MGST1: variants seen among roughly 807,000 people sequenced by gnomAD.
MGST1 encodes microsomal glutathione S-transferase 1, also known as glutathione S-transferase 12.
In MGST1, 5 loss-of-function variants were observed where a neutral mutation model predicts 8.9. That is an observed-to-expected ratio of 0.56 (90% CI 0.29 to 1.19). The LOEUF (loss-of-function observed/expected upper bound fraction) is 1.19. Among genes scored for constraint, MGST1 ranks in the 50% most tolerant of loss-of-function variants. The pLI is 0.08. For synonymous variants in MGST1, 54 were observed against 67.8 expected (o/e 0.80, Z 1.00); for missense variants, 182 against 187.4 (o/e 0.97, Z 0.17).
chr12:16,528,064 G>C (rs1396138591), intron 4 of MGST1, among the ~76,000 whole-genome samples: 1 of 152,024 alleles, frequency 6.6e-6, no homozygotes, highest in Non-Finnish European at 1.5e-5. Context: ...TGTGAAAAAG[G>C]GTTGACAGAG....
At chr12:16,375,764 C>T (rs1302429368) in intron 3 of MGST1, among the ~76,000 whole-genome samples, 2 of 151,608 alleles carry the variant, frequency 1.3e-5, no homozygotes, top group Non-Finnish European at 2.9e-5. Context: ...TAAAACAAAA[C>T]AAAGATAATT....
chr12:16,357,551 C>T, intron 2 of MGST1, 54 bp from the exon 3 acceptor site: 4 of 1,341,166 alleles, frequency 3.0e-6, no homozygotes, highest in Non-Finnish European at 4.2e-6. Context: ...CAGGTGTGAG[C>T]TATTGCTCCT....
chr12:16,442,959 TG>T (rs1219710832), downstream of MGST1, among the ~76,000 whole-genome samples: 1 of 151,864 alleles, frequency 6.6e-6, no homozygotes, highest in Non-Finnish European at 1.5e-5. This position sits in a 1 kb window ranked among gnomAD's most constrained non-coding sequence, Gnocchi z 4.5. Flanking sequence ...CTGAGAAAAG[TG>T]TGTTAAAACG....
Position 16,497,925 on chromosome 12 carries a change from A to T in MGST1, n.483-91603A>T, listed in dbSNP as rs1941480517. Among the ~76,000 whole-genome samples the T allele has an allele frequency of 6.6e-6, 1 of 152,176 alleles. No individual in the cohort carries two copies. Among genetic ancestry groups the T allele is most frequent in the Admixed American group, 6.6e-5 (1 of 15,266 alleles). ...TTCTAGTCTAGATGATAGTCTTTGTAATCACATTTTATGGAATATCTCCAA... is the reference window on the plus strand; with the variant it reads ...TTCTAGTCTAGATGATAGTCTTTGTTATCACATTTTATGGAATATCTCCAA... On this transcript the variant is annotated intron_variant and non_coding_transcript_variant, in intron 4 of 4. Coordinates refer to the MGST1 transcript ENST00000538857. The surrounding 1 kb of genome is among the most constrained non-coding windows in gnomAD (Gnocchi z 4.4).
intron 4 of MGST1, among the ~76,000 whole-genome samples, chr12:16,510,883 CATG>C (rs1335028119): frequency 1.3e-5 from 2 of 152,128 alleles, no homozygotes; most frequent in African/African-American, 4.8e-5. Context: ...AAAAAACTCT[CATG>C]ATTATTTAAC....
chr12:16,382,824 C>G (rs1565444133), upstream of MGST1: 2 of 153,008 alleles, frequency 1.3e-5, no homozygotes, highest in African/African-American at 4.8e-5. Flanking sequence ...TTTACCTAAT[C>G]AAACAACTAA....
chr12:16,387,198 GAAA>G (rs1211572543), intron 1 of MGST1, among the ~76,000 whole-genome samples: 1 of 151,316 alleles, frequency 6.6e-6, no homozygotes, highest in Non-Finnish European at 1.5e-5. Context: ...GTATAAATGG[GAAA>G]AAAAACAGCA....
intron 3 of MGST1, among the ~76,000 whole-genome samples, chr12:16,370,770 A>G (rs1213823289): frequency 2.0e-5 from 3 of 152,134 alleles, no homozygotes; most frequent in Admixed American, 2.0e-4. Flanking sequence ...GAACTAGAAC[A>G]ATTTTTGAAA....
intron 4 of MGST1, among the ~76,000 whole-genome samples, chr12:16,457,176 C>A (rs773177749): frequency 6.6e-6 from 1 of 151,880 alleles, no homozygotes; most frequent in African/African-American, 2.4e-5. Context: ...AATATTTTTA[C>A]GACAAAATTC....
intron 4 of MGST1, among the ~76,000 whole-genome samples, chr12:16,471,627 C>T (rs1447890711): frequency 1.3e-5 from 2 of 151,952 alleles, no homozygotes; most frequent in Non-Finnish European, 2.9e-5. Context: ...TACTTCAAAG[C>T]CCAGAAAAAA....
chr12:16,435,437 A>G (rs1238153142), intron 1 of MGST1, among the ~76,000 whole-genome samples: 1 of 151,904 alleles, frequency 6.6e-6, no homozygotes, highest in African/African-American at 2.4e-5. Flanking sequence ...TTTATCATCT[A>G]AACTTGATTT....
Position 16,497,847 on chromosome 12 carries a change from A to G in MGST1, n.483-91681A>G, listed in dbSNP as rs1941480057. ...TGTTAAAATAGCACATTCTTTGGAC[A>G]TCTGTCCCCCAGAAATTCCGGAGTA... is the stretch of plus-strand genomic sequence containing the variant. On this transcript the variant is annotated intron_variant and non_coding_transcript_variant, in intron 4 of 4. Coordinates refer to the MGST1 transcript ENST00000538857. The surrounding 1 kb of genome is among the most constrained non-coding windows in gnomAD (Gnocchi z 4.4). 6.6e-6 allele frequency among the ~76,000 whole-genome samples: 1 copy of G among 152,166 alleles called. No individual in the cohort carries two copies. Among genetic ancestry groups the G allele is most frequent in the Non-Finnish European group, 1.5e-5 (1 of 68,016 alleles).
At chr12:16,376,337 A>G in exon 4 of MGST1, 1 of 461,444 alleles carries the variant, frequency 2.2e-6, no homozygotes, top group Non-Finnish European at 3.8e-6. Context: ...GAAATTAGCT[A>G]TTACTGCGGG....
chr12:16,560,996 A>T lies in MGST1; in HGVS notation n.483-28532A>T, dbSNP rs894305031. 6.6e-6 allele frequency among the ~76,000 whole-genome samples: 1 copy of T among 152,192 alleles called. No homozygotes were observed. The highest frequency in any genetic ancestry group is 1.5e-5 in the Non-Finnish European group (1 of 68,022). ...TGCCATTATTATTAAAAATACATTT[A>T]TGAAGAAGCCATTTAAATAGTCAAA... is the stretch of plus-strand genomic sequence containing the variant. On this transcript the variant is annotated intron_variant and non_coding_transcript_variant, in intron 4 of 4. Transcript: ENST00000538857. This position sits in a 1 kb window ranked among gnomAD's most constrained non-coding sequence, Gnocchi z 5.0.
intron 4 of MGST1, among the ~76,000 whole-genome samples, chr12:16,495,883 T>C (rs1429912359): frequency 6.6e-6 from 1 of 152,108 alleles, no homozygotes; most frequent in East Asian, 1.9e-4. Flanking sequence ...ACCATCTACT[T>C]CAAGGTAAAG....
intron 4 of MGST1, among the ~76,000 whole-genome samples, chr12:16,521,544 A>G (rs573514189): frequency 6.6e-6 from 1 of 152,244 alleles, no homozygotes; most frequent in African/African-American, 2.4e-5. Flanking sequence ...TTTACCCTAA[A>G]TTTAACTACA....
intron 4 of MGST1, among the ~76,000 whole-genome samples, chr12:16,467,188 T>C (rs971180297): frequency 1.2e-4 from 18 of 152,262 alleles, no homozygotes; most frequent in African/African-American, 4.1e-4. Flanking sequence ...GCGTGAAAGA[T>C]GCATTGCATG....
At chr12:16,588,199 TTTC>T (rs1943380084) in intron 4 of MGST1, among the ~76,000 whole-genome samples, 1 of 151,982 alleles carries the variant, frequency 6.6e-6, no homozygotes, top group African/African-American at 2.4e-5. Context: ...TAAACATTGT[TTTC>T]ATAATTTTTA....
chr12:16,547,356 T>G lies in MGST1; in HGVS notation n.483-42172T>G, dbSNP rs1006956821. 6.6e-6 allele frequency among the ~76,000 whole-genome samples: 1 copy of G among 152,308 alleles called. No individual in the cohort carries two copies. The stretch of plus-strand genomic sequence containing the variant: ...TGACTCATTAATTAATTGATGTTCT[T>G]TTTTATCATGTGCTATTGAGTTAAT... On this transcript the variant is annotated intron_variant and non_coding_transcript_variant, in intron 4 of 4. Coordinates refer to the MGST1 transcript ENST00000538857. This position sits in a 1 kb window ranked among gnomAD's most constrained non-coding sequence, Gnocchi z 4.6.
Sources: gnomAD v4.1 joint callset for allele counts (sites outside exome capture counted in the v4.1 genomes callset) on GRCh38, gnomAD v4.1.1 for gene constraint, Gnocchi (gnomAD v3.1) non-coding constraint, MANE v1.5 for transcripts, NCBI Gene and HGNC (gene_info 2026-07-23, HGNC 2026-07-21) for gene names.